MLLT3: variants seen among roughly 807,000 people sequenced by gnomAD.
MLLT3 encodes the protein protein AF-9.
In MLLT3, 4 loss-of-function variants were observed where a neutral mutation model predicts 53.2. That is an observed-to-expected ratio of 0.08 (90% CI 0.04 to 0.17). MLLT3 has a LOEUF of 0.17. MLLT3 is among the 10% of genes least tolerant of loss of function. MLLT3 has a pLI of 1.00. For missense variants in MLLT3, 569 were observed against 684.0 expected, an observed-to-expected ratio of 0.83 and a Z score of 1.87; for synonymous variants, 283 against 230.6, an observed-to-expected ratio of 1.23 and a Z score of -2.06.
At position 20,366,954 on chromosome 9, in the gene MLLT3, A is replaced by G. The variant is rs189196320; in HGVS notation, c.1126-1210T>C. On this transcript the variant is annotated intron_variant, in intron 5 of 10. Coordinates refer to ENST00000380338, the MANE Select transcript of MLLT3 (RefSeq NM_004529.4). ...TAATGAGGCTAAGGTCATTAGTTCA[A>G]TCACACTATGAGCCAGTTAATTTAA... Among the ~76,000 whole-genome samples the G allele has an allele frequency of 5.9e-5, 9 of 152,348 alleles. No homozygotes were observed. The South Asian group carries it at 1.0e-3, about 18-fold the overall frequency.
intron 2 of MLLT3, among the ~76,000 whole-genome samples, chr9:20,539,826 A>G (rs1443746249): frequency 6.6e-6 from 1 of 152,118 alleles, no homozygotes. Flanking sequence ...ATTAACTCAA[A>G]AGTCCAAGTT....
At chr9:20,540,822 G>T (rs1818611287) in intron 2 of MLLT3, among the ~76,000 whole-genome samples, 3 of 152,202 alleles carry the variant, frequency 2.0e-5, no homozygotes, top group Admixed American at 2.0e-4. Flanking sequence ...TTCCTCCCCA[G>T]AAAATGGGTT....
intron 4 of MLLT3, among the ~76,000 whole-genome samples, chr9:20,438,212 T>C (rs1269713429): frequency 1.3e-5 from 2 of 152,232 alleles, no homozygotes; most frequent in East Asian, 1.9e-4. Flanking sequence ...GTCTAGACTA[T>C]ATCAAACAAG....
intron 2 of MLLT3, among the ~76,000 whole-genome samples, chr9:20,599,098 G>A (rs1157879905): frequency 1.3e-5 from 2 of 152,146 alleles, no homozygotes; most frequent in Non-Finnish European, 2.9e-5. Context: ...GAGGTCAAGA[G>A]ATCGAGACCA....
intron 5 of MLLT3, among the ~76,000 whole-genome samples, chr9:20,399,622 T>G (rs1217381852): frequency 1.3e-5 from 2 of 152,018 alleles, no homozygotes; most frequent in Admixed American, 1.3e-4. Flanking sequence ...GGACTCAGGG[T>G]AATATACTGG....
intron 3 of MLLT3, among the ~76,000 whole-genome samples, chr9:20,451,270 G>A (rs1224251696): frequency 6.6e-6 from 1 of 152,158 alleles, no homozygotes; most frequent in African/African-American, 2.4e-5. Flanking sequence ...ATCATTAAAT[G>A]TAGTCAAAAG....
At chr9:20,556,190 A>G (rs1319547152) in intron 2 of MLLT3, among the ~76,000 whole-genome samples, 2 of 152,244 alleles carry the variant, frequency 1.3e-5, no homozygotes, top group Non-Finnish European at 2.9e-5. Context: ...ATCATTTATC[A>G]GAATTTGTAA....
At chr9:20,541,281 G>A (rs1818623169) in intron 2 of MLLT3, among the ~76,000 whole-genome samples, 1 of 152,118 alleles carries the variant, frequency 6.6e-6, no homozygotes, top group Non-Finnish European at 1.5e-5. Flanking sequence ...TCCAACCTCT[G>A]CCTGGTACCC....
rs534558345 is a variant in MLLT3 at position 20,456,882 on chromosome 9, A to C, written c.194-96T>G. On this transcript the variant is annotated intron_variant, in intron 2 of 10. Coordinates refer to ENST00000380338, the MANE Select transcript of MLLT3 (RefSeq NM_004529.4). ...AAAATCCCATTCTACCATCTAGATC[A>C]CACGCAATTTTCATAGCCCCTTGCC... is the stretch of plus-strand genomic sequence containing the variant. 2.2e-4 allele frequency: 195 copies of C among 900,950 alleles called. 1 individual carries two copies. Among genetic ancestry groups the C allele is most frequent in the Admixed American group, 6.3e-4 (21 of 33,566 alleles). The allele number at this position is 900,950 out of a possible 1,614,324, so 55.8% of individuals were successfully genotyped here. A position where few individuals can be genotyped will look rare whatever the true frequency, so the allele number is the denominator to read the frequency against.
intron 6 of MLLT3, among the ~76,000 whole-genome samples, chr9:20,364,238 T>TA (rs1158134537): frequency 6.6e-6 from 1 of 152,164 alleles, no homozygotes; most frequent in Non-Finnish European, 1.5e-5. Flanking sequence ...TACCAGCATG[T>TA]ATAAACATAA....
chr9:20,502,957 A>G lies in MLLT3; in HGVS notation c.194-46171T>C, dbSNP rs548155817. Reference sequence around the variant, plus strand: ...AGAAAACAATCCATTCACTACAGCAACCAAAAAGAACAGAATGCTTAGGAA... The same window carrying G: ...AGAAAACAATCCATTCACTACAGCAGCCAAAAAGAACAGAATGCTTAGGAA... On this transcript the variant is annotated intron_variant, in intron 2 of 10. Coordinates refer to ENST00000380338, the MANE Select transcript of MLLT3 (RefSeq NM_004529.4). Among the ~76,000 whole-genome samples, 72 of 152,354 alleles carry G rather than the reference A, an allele frequency of 4.7e-4. No individual in the cohort carries two copies. In the South Asian group the frequency reaches 0.014, roughly 30 times the overall value.
intron 2 of MLLT3, among the ~76,000 whole-genome samples, chr9:20,501,293 A>T (rs1020901016): frequency 5.3e-5 from 8 of 152,214 alleles, no homozygotes; most frequent in African/African-American, 1.9e-4. Context: ...AACACTGAAT[A>T]CATACCAGGC....
At chr9:20,600,132 AAAAAAC>A in intron 2 of MLLT3, among the ~76,000 whole-genome samples, 1 of 47,786 alleles carries the variant, frequency 2.1e-5, no homozygotes, top group South Asian at 6.5e-4. Flanking sequence ...GTCCAAAAAA[AAAAAAC>A]AAAAAACAAA....
At chr9:20,599,910 T>C (rs1820374296) in intron 2 of MLLT3, among the ~76,000 whole-genome samples, 1 of 152,274 alleles carries the variant, frequency 6.6e-6, no homozygotes, top group South Asian at 2.1e-4. Flanking sequence ...TCAGTAACTA[T>C]AAATTGCTTA....
At chr9:20,543,933 A>C (rs1031805569) in intron 2 of MLLT3, among the ~76,000 whole-genome samples, 1 of 141,502 alleles carries the variant, frequency 7.1e-6, no homozygotes, top group Non-Finnish European at 1.5e-5. Context: ...AAGCGTAATA[A>C]AGTGAAGCAC....
intron 5 of MLLT3, among the ~76,000 whole-genome samples, chr9:20,397,251 T>C (rs983238504): frequency 1.3e-5 from 2 of 152,188 alleles, no homozygotes; most frequent in African/African-American, 2.4e-5. Context: ...TTAGTTTTCA[T>C]AGAAACAATT....
chr9:20,477,263 T>G (rs1563777284), intron 2 of MLLT3, among the ~76,000 whole-genome samples: 1 of 152,172 alleles, frequency 6.6e-6, no homozygotes, highest in South Asian at 2.1e-4. Flanking sequence ...CTATTTGTCA[T>G]GATTGGAAAT....
At chr9:20,491,273 A>G (rs1436985184) in intron 2 of MLLT3, among the ~76,000 whole-genome samples, 4 of 152,132 alleles carry the variant, frequency 2.6e-5, no homozygotes, top group Non-Finnish European at 5.9e-5. Context: ...TATCCACAAA[A>G]CCATTTTAAA....
In MLLT3 at chr9:20,343,266, C is replaced by T. The variant is rs933171277; in HGVS notation, c.*3177G>A. On this transcript the variant is annotated 3_prime_UTR_variant, in exon 11 of 11. Coordinates refer to ENST00000380338, the MANE Select transcript of MLLT3 (RefSeq NM_004529.4). ...AAACCAATATTACTGGCTCTTTCCA[C>T]CAAAAGGTGAATATTCAGATTAGAG... is the stretch of plus-strand genomic sequence containing the variant. 1.6e-5 allele frequency: 3 copies of T among 183,392 alleles called. No individual in the cohort carries two copies. The East Asian group carries it at 2.9e-4, about 18-fold the overall frequency. 11.4% of individuals were successfully genotyped at this position (183,392 alleles called of 1,614,324 possible).
Sources: gnomAD v4.1 joint callset for allele counts (sites outside exome capture counted in the v4.1 genomes callset) on GRCh38, gnomAD v4.1.1 for gene constraint, MANE v1.5 for transcripts, NCBI Gene and HGNC (gene_info 2026-07-23, HGNC 2026-07-21) for gene names.